CSTF3: variants seen among roughly 807,000 people sequenced by gnomAD.
CSTF3 encodes CF-1 77 kDa subunit.
In CSTF3, 29 loss-of-function variants were observed where a neutral mutation model predicts 105.8. The ratio of observed to expected loss-of-function variants is 0.27; its 90% CI spans 0.20 to 0.37. CSTF3 has a LOEUF of 0.37. Ranked by LOEUF, CSTF3 falls within the 10% of genes least tolerant of loss-of-function variation. CSTF3 has a pLI of 1.00. For missense variants in CSTF3, 357 were observed against 879.3 expected (o/e 0.41, Z 7.51); for synonymous variants, 252 against 281.9 (o/e 0.89, Z 1.06).
At chr11:33,087,235 G>T (rs1489046581) in intron 17 of CSTF3, 94 bp from the exon 18 acceptor site, 10 of 1,292,944 alleles carry the variant, frequency 7.7e-6, no homozygotes, top group Non-Finnish European at 1.1e-5. Flanking sequence ...TGAATATCTG[G>T]GTCAAAACCA....
chr11:33,098,367 A>G (rs940187387), intron 13 of CSTF3, among the ~76,000 whole-genome samples: 1 of 152,240 alleles, frequency 6.6e-6, no homozygotes, highest in Non-Finnish European at 1.5e-5. Flanking sequence ...TCACAAAGAA[A>G]GTGTTAGAGA....
In CSTF3 at chr11:33,086,018, G is replaced by A. The variant is rs116623504; in HGVS notation, c.1796-29C>T. 1.7e-3 allele frequency: 2,401 copies of A among 1,373,004 alleles called. 31 individuals are homozygous for A. In the African/African-American group the frequency reaches 0.03, roughly 17 times the overall value. 85.1% of individuals were successfully genotyped at this position (1,373,004 alleles called of 1,614,324 possible). ...TGAGAAAAAGAAAAGTATGAATCAA[G>A]TGGAATGGAAGAATTTCTACACAGA... On this transcript the variant is annotated intron_variant, in intron 18 of 20. Coordinates refer to ENST00000323959, the MANE Select transcript of CSTF3 (RefSeq NM_001326.3).
At position 33,086,980 on chromosome 11, in the gene CSTF3, T is replaced by G. The variant is rs759728029; in HGVS notation, c.1795+8A>C. On this transcript the variant is annotated splice_region_variant and intron_variant, in intron 18 of 20. Transcript: ENST00000323959. ...CGTCTCAGTACTGGATCTAAAGTCA[T>G]GGCTTACGTGCTAAATGTCGTGGCT... 1 of 1,614,090 alleles carries G rather than the reference T, an allele frequency of 6.2e-7. No homozygotes were observed. Among genetic ancestry groups the G allele is most frequent in the Non-Finnish European group, 8.5e-7 (1 of 1,179,948 alleles).
At chr11:33,118,247 A>C (rs1455345331) in intron 3 of CSTF3, among the ~76,000 whole-genome samples, 1 of 151,946 alleles carries the variant, frequency 6.6e-6, no homozygotes, top group East Asian at 1.9e-4. Flanking sequence ...AGGATTTAAA[A>C]AGTTAAATAA....
chr11:33,097,080 A>G (rs1855230079), intron 13 of CSTF3, 102 bp from the exon 14 acceptor site: 2 of 796,552 alleles, frequency 2.5e-6, no homozygotes, highest in Admixed American at 6.7e-5. Flanking sequence ...AGGAATTTAG[A>G]TAATATTCTA....
Position 33,157,935 on chromosome 11 carries a change from C to G in CSTF3, c.27+3364G>C, listed in dbSNP as rs575682813. Among the ~76,000 whole-genome samples, 129 of 152,228 alleles carry G rather than the reference C, an allele frequency of 8.5e-4. 1 individual carries two copies. The highest frequency in any genetic ancestry group is 6.2e-4 in the South Asian group (3 of 4,826). On this transcript the variant is annotated intron_variant, in intron 1 of 20. Coordinates refer to ENST00000323959, the MANE Select transcript of CSTF3 (RefSeq NM_001326.3). ...ATGATTTCAGGTTATTTTGGATACT[C>G]TCTTTTCCTCCAGATTTTCAATATT...
In CSTF3 at chr11:33,131,003, C is replaced by T. The variant is rs1481321540; in HGVS notation, c.225+10664G>A. 2.6e-5 allele frequency among the ~76,000 whole-genome samples: 4 copies of T among 152,138 alleles called. No homozygotes were observed. In the South Asian group the frequency reaches 6.2e-4, roughly 24 times the overall value. On this transcript the variant is annotated intron_variant, in intron 3 of 20. Transcript: ENST00000323959. ...CATGATTACATTACTGCATTCCAGCCTGGGCAACAGAGTGAGACCCTGTCT... is the reference window on the plus strand; with the variant it reads ...CATGATTACATTACTGCATTCCAGCTTGGGCAACAGAGTGAGACCCTGTCT...
chr11:33,132,409 A>G (rs1020231007), intron 3 of CSTF3, among the ~76,000 whole-genome samples: 1 of 152,104 alleles, frequency 6.6e-6, no homozygotes, highest in Non-Finnish European at 1.5e-5. Flanking sequence ...AAGGTATTTT[A>G]GAGATGGGGT....
intron 3 of CSTF3, chr11:33,141,064 AT>A (rs1590282970): frequency 6.6e-6 from 1 of 152,200 alleles, no homozygotes; most frequent in African/African-American, 2.4e-5. Context: ...CAAGAAAAAA[AT>A]ATCAAAGTAT....
intron 3 of CSTF3, among the ~76,000 whole-genome samples, chr11:33,117,675 A>ATG (rs397765729): frequency 1.3e-5 from 2 of 151,470 alleles, no homozygotes; most frequent in African/African-American, 2.4e-5. Context: ...ATATATATAT[A>ATG]TGAGGATGTT....
rs139071483 is a variant in CSTF3, at chr11:33,134,820, A to G, written c.225+6847T>C. Among the ~76,000 whole-genome samples, 1,359 of 152,278 alleles carry G rather than the reference A, an allele frequency of 8.9e-3. 5 individuals carry two copies. The highest frequency in any genetic ancestry group is 0.013 in the Non-Finnish European group (882 of 67,994). On this transcript the variant is annotated intron_variant, in intron 3 of 20. Coordinates refer to ENST00000323959, the MANE Select transcript of CSTF3 (RefSeq NM_001326.3). ...AGTGAAAAGCTCAGAAATGGACTGA[A>G]CCTGACTATAGTAAGTTAGAAATAA...
intron 17 of CSTF3, among the ~76,000 whole-genome samples, chr11:33,089,797 G>A (rs1047917902): frequency 6.6e-6 from 1 of 152,224 alleles, no homozygotes; most frequent in African/African-American, 2.4e-5. Context: ...GGCTTAAAGA[G>A]ATCAACCAAG....
chr11:33,152,610 G>A (rs1412818504), intron 1 of CSTF3, among the ~76,000 whole-genome samples: 1 of 152,194 alleles, frequency 6.6e-6, no homozygotes, highest in Non-Finnish European at 1.5e-5. Context: ...CAGACATGAT[G>A]TACTATTCCA....
rs181312538 is a variant in CSTF3 at position 33,095,196 on chromosome 11, G to A, written c.1375+1110C>T. ...ATTACAGGCATAAGCCACCACGCCCGGCCTATTCATTTATTTTTAAATGTT... is the reference window on the plus strand; with the variant it reads ...ATTACAGGCATAAGCCACCACGCCCAGCCTATTCATTTATTTTTAAATGTT... On this transcript the variant is annotated intron_variant, in intron 15 of 20. Transcript: ENST00000323959. 1.0e-3 allele frequency among the ~76,000 whole-genome samples: 155 copies of A among 152,130 alleles called. 1 individual carries two copies. The highest frequency in any genetic ancestry group is 1.4e-3 in the African/African-American group (58 of 41,534).
rs189293735 is a variant in CSTF3, at chr11:33,130,252, C to T, written c.225+11415G>A. 2.5e-4 allele frequency among the ~76,000 whole-genome samples: 38 copies of T among 152,216 alleles called. No homozygotes were observed. In the East Asian group the frequency reaches 3.5e-3, roughly 14 times the overall value. On this transcript the variant is annotated intron_variant, in intron 3 of 20. Transcript: ENST00000323959. Reference sequence around the variant, plus strand: ...TTTTCGGAGGCCTAGGCGGGTGGATCACCAGAGGTCAGGAGTTCGAGACCA... The same window carrying T: ...TTTTCGGAGGCCTAGGCGGGTGGATTACCAGAGGTCAGGAGTTCGAGACCA...
intron 3 of CSTF3, among the ~76,000 whole-genome samples, chr11:33,130,508 T>C (rs1280362908): frequency 6.6e-6 from 1 of 152,088 alleles, no homozygotes; most frequent in Non-Finnish European, 1.5e-5. Flanking sequence ...ATAGGGAATC[T>C]AGTTTATCCT....
chr11:33,108,004 T>G lies in CSTF3; in HGVS notation c.259-4A>C, dbSNP rs1855343450. The G allele has an allele frequency of 6.4e-7, 1 of 1,551,476 alleles. No homozygotes were observed. The highest frequency in any genetic ancestry group is 1.7e-5 in the Admixed American group (1 of 57,186). On this transcript the variant is annotated splice_polypyrimidine_tract_variant and splice_region_variant and intron_variant, in intron 4 of 20. Coordinates refer to ENST00000323959, the MANE Select transcript of CSTF3 (RefSeq NM_001326.3). Reference sequence around the variant, plus strand: ...TCATAAGGCATCTCTGAAATAGCTTTAAATACAAGAATATATTATCAGAAT... The same window carrying G: ...TCATAAGGCATCTCTGAAATAGCTTGAAATACAAGAATATATTATCAGAAT...
At chr11:33,142,789 T>C (rs1187134051) in intron 1 of CSTF3, among the ~76,000 whole-genome samples, 1 of 152,254 alleles carries the variant, frequency 6.6e-6, no homozygotes, top group African/African-American at 2.4e-5. Context: ...GCTTTTTACG[T>C]ATTTATAAAT....
chr11:33,085,287 C>T lies in CSTF3; in HGVS notation c.1954G>A (p.Val652Ile). The T allele has an allele frequency of 6.5e-7, 1 of 1,536,896 alleles. No individual in the cohort carries two copies. Among genetic ancestry groups the T allele is most frequent in the Non-Finnish European group, 8.7e-7 (1 of 1,145,614 alleles). ...IFRRCKIPNT[V>I]EEAVRIITGG... is the part of the protein sequence containing the mutation. ...GTAATGATCCTCACAGCTTCCTCAA[C>T]AGCTATTAAAACAAAACAACAAAAC... is the stretch of plus-strand genomic sequence containing the variant. Residue 652 changes from valine to isoleucine, a missense_variant and splice_region_variant, in exon 21 of 21, where the codon GTT (valine) becomes ATT (isoleucine). Around this residue, in one of 4 missense-constraint regions of CSTF3, gnomAD observed 73 missense variants for 105.8 expected, o/e 0.69. Transcript: ENST00000323959.
Sources: allele counts gnomAD v4.1 joint callset (sites outside exome capture counted in the v4.1 genomes callset), GRCh38; gene constraint gnomAD v4.1.1; regional missense constraint gnomAD v4.1.1; transcripts MANE v1.5; gene names NCBI Gene and HGNC (gene_info 2026-07-23, HGNC 2026-07-21).